OTUD6B: variants seen among roughly 807,000 people sequenced by gnomAD.
The protein encoded by OTUD6B is OTU deubiquitinase 6B.
Under a neutral mutation model 36.9 loss-of-function variants are expected in OTUD6B, and 41 were observed. That is an observed-to-expected ratio of 1.11 (90% CI 0.87 to 1.44). OTUD6B has a LOEUF of 1.44. Among genes scored for constraint, OTUD6B ranks in the 40% most tolerant of loss-of-function variants. The probability of loss-of-function intolerance (pLI) is 0.00; values close to 1 mark genes in which losing one functional copy is unlikely to be tolerated. For synonymous variants in OTUD6B, 114 were observed against 114.2 expected (o/e 1.00, Z 0.01); for missense variants, 356 against 344.8 (o/e 1.03, Z -0.26).
At chr8:91,072,756 G>C (rs1331857372) in intron 2 of OTUD6B, among the ~76,000 whole-genome samples, 1 of 152,070 alleles carries the variant, frequency 6.6e-6, no homozygotes, top group East Asian at 1.9e-4. Context: ...AGTTTTGTTT[G>C]CTCCCTCAGA....
chr8:91,084,721 C>CAT (rs776303208), intron 6 of OTUD6B, 63 bp from the exon 7 acceptor site: 70 of 1,277,782 alleles, frequency 5.5e-5, no homozygotes, highest in East Asian at 1.1e-4. Context: ...ATATAATAAG[C>CAT]ATATATATAT....
In OTUD6B at chr8:91,086,215, C is replaced by T. The variant is rs1419457287; in HGVS notation, c.*1347C>T. ...ATCGTTTATAACATTTGAATTTTTG[C>T]TCCATGAGTACAACTAATTTTTATA... On this transcript the variant is annotated 3_prime_UTR_variant, in exon 7 of 7. Transcript: ENST00000404789. 6.6e-6 allele frequency: 1 copy of T among 151,946 alleles called. No homozygotes were observed. The highest frequency in any genetic ancestry group is 2.4e-5 in the African/African-American group (1 of 41,372). The allele number at this position is 151,946 out of a possible 1,614,324, so 9.4% of individuals were successfully genotyped here. A position where few individuals can be genotyped will look rare whatever the true frequency, so the allele number is the denominator to read the frequency against.
At chr8:91,071,388 T>A in intron 2 of OTUD6B, 99 bp downstream of exon 2, 1 of 969,490 alleles carries the variant, frequency 1.0e-6, no homozygotes, top group Non-Finnish European at 1.5e-6. Flanking sequence ...TTTGAGACGG[T>A]GTCTCGCTTT....
intron 3 of OTUD6B, 28 bp downstream of exon 3, chr8:91,073,939 A>T (rs1812753623): frequency 6.8e-7 from 1 of 1,465,940 alleles, no homozygotes; most frequent in Admixed American, 1.9e-5. Context: ...CCAAGTATAT[A>T]AGTTAGTGCT....
chr8:91,078,833 G>T (rs984727675), intron 4 of OTUD6B, 165 bp downstream of exon 4: 3 of 461,870 alleles, frequency 6.5e-6, no homozygotes, highest in Admixed American at 3.9e-5. Flanking sequence ...ATAGATGTTG[G>T]TGTATTTTTC....
At position 91,075,645 on chromosome 8, in the gene OTUD6B, A is replaced by G. The variant is rs181131626; in HGVS notation, c.315+1734A>G. Among the ~76,000 whole-genome samples, 10 of 152,196 alleles carry G rather than the reference A, an allele frequency of 6.6e-5. No individual in the cohort carries two copies. The East Asian group carries it at 1.7e-3, about 26-fold the overall frequency. On this transcript the variant is annotated intron_variant, in intron 3 of 6. Coordinates refer to ENST00000404789, the MANE Select transcript of OTUD6B (RefSeq NM_016023.5). ...ATCTTTTATAGTCAGCTGCTTTAAC[A>G]CTTGGTAGAAAAAATGCCCAAGTAA...
Position 91,085,162 on chromosome 8 carries a change from T to C in OTUD6B, c.*294T>C, listed in dbSNP as rs889714850. 3 of 180,960 alleles carry C rather than the reference T, an allele frequency of 1.7e-5. No individual in the cohort carries two copies. The highest frequency in any genetic ancestry group is 7.0e-5 in the African/African-American group (3 of 42,696). The allele number at this position is 180,960 out of a possible 1,614,324, so 11.2% of individuals were successfully genotyped here. ...ATGTAAGATCCTGGACATTCTGTTT[T>C]GTGTTGGAACAAATTTTCAATGTTT... On this transcript the variant is annotated 3_prime_UTR_variant, in exon 7 of 7. Coordinates refer to ENST00000404789, the MANE Select transcript of OTUD6B (RefSeq NM_016023.5).
chr8:91,079,762 G>T (rs1195252096), intron 4 of OTUD6B, among the ~76,000 whole-genome samples: 1 of 152,110 alleles, frequency 6.6e-6, no homozygotes, highest in African/African-American at 2.4e-5. Context: ...TGCGCTAGTT[G>T]TAGGGCATAG....
chr8:91,070,923 A>G (rs1812681812), intron 1 of OTUD6B: 1 of 478,388 alleles, frequency 2.1e-6, no homozygotes, highest in Admixed American at 6.4e-5. Flanking sequence ...AACAACCGAA[A>G]CATATTCAAG....
chr8:91,084,208 C>T, intron 6 of OTUD6B, 94 bp downstream of exon 6: 1 of 725,980 alleles, frequency 1.4e-6, no homozygotes, highest in Non-Finnish European at 2.2e-6. Flanking sequence ...AAATATGTGA[C>T]TTAGATAATT....
Position 91,073,440 on chromosome 8 carries a change from G to C in OTUD6B, c.235-391G>C, listed in dbSNP as rs111898894. 3.3e-3 allele frequency among the ~76,000 whole-genome samples: 504 copies of C among 152,258 alleles called. 2 individuals are homozygous for C. Among genetic ancestry groups the C allele is most frequent in the African/African-American group, 0.012 (485 of 41,554 alleles). ...GTTCTGGCTAATTAAGATGGAAAAA[G>C]GCCTCTGCTGCCAGTAGAGGTTATG... On this transcript the variant is annotated intron_variant, in intron 2 of 6. Coordinates refer to ENST00000404789, the MANE Select transcript of OTUD6B (RefSeq NM_016023.5).
At chr8:91,081,371 A>AAAAC (rs142822442) in intron 5 of OTUD6B, among the ~76,000 whole-genome samples, 72,715 of 150,148 alleles carry the variant, frequency 0.48, 19,468 homozygotes, top group South Asian at 0.66. Flanking sequence ...TGTTTTGTTA[A>AAAAC]AAACAAACAA....
intron 2 of OTUD6B, among the ~76,000 whole-genome samples, chr8:91,073,137 G>A (rs1422502810): frequency 2.0e-5 from 3 of 152,036 alleles, no homozygotes; most frequent in Non-Finnish European, 4.4e-5. Flanking sequence ...CTGTCTCTGT[G>A]TATTAAAGGC....
intron 2 of OTUD6B, among the ~76,000 whole-genome samples, chr8:91,073,366 G>A (rs1197975297): frequency 1.3e-5 from 2 of 152,126 alleles, no homozygotes; most frequent in African/African-American, 2.4e-5. Context: ...AAAGGGTAGG[G>A]TAGGAAAAGC....
intron 5 of OTUD6B, 51 bp downstream of exon 5, chr8:91,080,781 A>T: frequency 3.0e-6 from 4 of 1,343,724 alleles, no homozygotes; most frequent in Non-Finnish European, 4.2e-6. Context: ...TTATTTCTAA[A>T]TCCCTTCTGT....
Position 91,073,876 on chromosome 8 carries a change from C to A in OTUD6B, c.280C>A (p.Gln94Lys). ...VNISNLVLEN[Q>K]PPRISKAQKR... ...CATTTCAAACTTGGTGCTTGAGAATCAGCCACCTCGGATATCAAAAGCACA... is the reference window on the plus strand; with the variant it reads ...CATTTCAAACTTGGTGCTTGAGAATAAGCCACCTCGGATATCAAAAGCACA... The change falls in exon 3 of 7, where the codon CAG becomes AAG. Residue 94 changes from glutamine (Q) to lysine (K), a missense_variant. Physicochemically the swap from Gln to Lys is moderately conservative, Grantham distance 53. Transcript: ENST00000404789. 2 of 1,594,360 alleles carry A rather than the reference C, an allele frequency of 1.3e-6. No homozygotes were observed. Among genetic ancestry groups the A allele is most frequent in the South Asian group, 2.3e-5 (2 of 87,790 alleles).
Position 91,084,821 on chromosome 8 carries a change from A to G in OTUD6B, c.835A>G (p.Asn279Asp). 6.3e-7 allele frequency: 1 copy of G among 1,586,920 alleles called. No homozygotes were observed. The highest frequency in any genetic ancestry group is 2.3e-5 in the East Asian group (1 of 44,026). ...TGCATATGGCTTAGGAGAACATTAT[A>G]ATTCGGTTACACGGTTGGTAAACAT... The part of the protein sequence containing the change: ...RHAYGLGEHY[N>D]SVTRLVNIVT... The change falls in exon 7 of 7, where the codon AAT becomes GAT. Residue 279 changes from asparagine to aspartate, a missense_variant. Asn to Asp is a conservative substitution (Grantham distance 23, BLOSUM62 1). Coordinates refer to ENST00000404789, the MANE Select transcript of OTUD6B (RefSeq NM_016023.5).
chr8:91,071,346 C>A (rs1812694352), intron 2 of OTUD6B, 57 bp downstream of exon 2: 15 of 1,287,454 alleles, frequency 1.2e-5, no homozygotes, highest in Non-Finnish European at 1.6e-5. Flanking sequence ...CTGTCCACTT[C>A]TGTTAAATGT....
chr8:91,070,701 G>T (rs564835267), intron 1 of OTUD6B, among the ~76,000 whole-genome samples: 45 of 152,092 alleles, frequency 3.0e-4, no homozygotes, highest in African/African-American at 1.0e-3. Context: ...CGCCGCCGGG[G>T]TGCAGGTGTC....
Sources: allele counts gnomAD v4.1 joint callset (sites outside exome capture counted in the v4.1 genomes callset), GRCh38; gene constraint gnomAD v4.1.1; transcripts MANE v1.5; gene names NCBI Gene and HGNC (gene_info 2026-07-23, HGNC 2026-07-21).